The following HS3ST4 variants were observed in gnomAD, a reference collection of about 807,000 sequenced individuals.
HS3ST4 encodes heparan sulfate-glucosamine 3-sulfotransferase 4.
Under a neutral mutation model 29.2 loss-of-function variants are expected in HS3ST4, and 17 were observed. That is an observed-to-expected ratio of 0.58 (90% CI 0.40 to 0.87). The LOEUF (loss-of-function observed/expected upper bound fraction) is 0.87. HS3ST4 is among the 40% of genes least tolerant of loss of function. The pLI, the probability that HS3ST4 is intolerant of heterozygous loss-of-function variation, is 0.00. For synonymous variants in HS3ST4, 314 were observed against 285.7 expected (o/e 1.10, Z -1.00); for missense variants, 627 against 634.5 (o/e 0.99, Z 0.13).
chr16:25,816,127 A>G (rs1311716986), intron 1 of HS3ST4, among the ~76,000 whole-genome samples: 3 of 152,186 alleles, frequency 2.0e-5, no homozygotes, highest in Non-Finnish European at 4.4e-5. Flanking sequence ...CATGATTTAT[A>G]CCAAAATCCC....
chr16:25,985,173 T>C (rs1157440160), intron 1 of HS3ST4, among the ~76,000 whole-genome samples: 2 of 152,238 alleles, frequency 1.3e-5, no homozygotes, highest in African/African-American at 4.8e-5. Flanking sequence ...ATCTCTGGCT[T>C]ACCTTACAGG....
At chr16:25,973,119 G>A (rs1024294892) in intron 1 of HS3ST4, among the ~76,000 whole-genome samples, 1 of 152,210 alleles carries the variant, frequency 6.6e-6, no homozygotes, top group Admixed American at 6.5e-5. Context: ...CACAGAGTTG[G>A]AAATGATTGT....
intron 1 of HS3ST4, among the ~76,000 whole-genome samples, chr16:25,733,050 C>T (rs1966582115): frequency 6.6e-6 from 1 of 152,170 alleles, no homozygotes; most frequent in African/African-American, 2.4e-5. Flanking sequence ...CAAAGAAGAC[C>T]ATCTCTGAGG....
At chr16:25,700,777 AAG>A in intron 1 of HS3ST4, among the ~76,000 whole-genome samples, 1 of 152,208 alleles carries the variant, frequency 6.6e-6, no homozygotes, top group East Asian at 1.9e-4. Flanking sequence ...ATAATTCACT[AAG>A]GGAGCTTTTC....
At chr16:26,063,502 C>A (rs1173681686) in intron 1 of HS3ST4, among the ~76,000 whole-genome samples, 2 of 150,518 alleles carry the variant, frequency 1.3e-5, no homozygotes, top group African/African-American at 2.4e-5. Context: ...CATAGTGAGA[C>A]CTTGTCTCTA....
chr16:25,695,811 A>G (rs1435066445), intron 1 of HS3ST4, among the ~76,000 whole-genome samples: 2 of 152,168 alleles, frequency 1.3e-5, no homozygotes, highest in Non-Finnish European at 2.9e-5. Flanking sequence ...TAATTTTTCC[A>G]CTGTTTATTT....
intron 1 of HS3ST4, among the ~76,000 whole-genome samples, chr16:25,773,784 T>G (rs545746946): frequency 3.0e-4 from 46 of 152,214 alleles, no homozygotes; most frequent in Non-Finnish European, 6.2e-4. Context: ...TAATTTTTCA[T>G]TCTTCACCCC....
At chr16:26,123,345 A>G (rs1899301392) in intron 1 of HS3ST4, among the ~76,000 whole-genome samples, 1 of 152,188 alleles carries the variant, frequency 6.6e-6, no homozygotes, top group South Asian at 2.1e-4. Flanking sequence ...TTCCTTAGCC[A>G]CACACCTCTG....
At chr16:25,969,799 C>G in intron 1 of HS3ST4, among the ~76,000 whole-genome samples, 1 of 152,186 alleles carries the variant, frequency 6.6e-6, no homozygotes, top group South Asian at 2.1e-4. Flanking sequence ...TGAGTTTGTC[C>G]TCTTCTGATA....
At chr16:26,070,961 C>T (rs1191463573) in intron 1 of HS3ST4, among the ~76,000 whole-genome samples, 1 of 152,218 alleles carries the variant, frequency 6.6e-6, no homozygotes, top group Non-Finnish European at 1.5e-5. Context: ...TCTGGGGAGA[C>T]ATTCTTCATT....
intron 1 of HS3ST4, among the ~76,000 whole-genome samples, chr16:25,988,673 G>A (rs1377243679): frequency 6.6e-6 from 1 of 152,060 alleles, no homozygotes; most frequent in African/African-American, 2.4e-5. Flanking sequence ...AGAACACATG[G>A]ACATAGAGGG....
intron 1 of HS3ST4, among the ~76,000 whole-genome samples, chr16:26,014,529 G>T (rs1167373730): frequency 6.6e-6 from 1 of 152,004 alleles, no homozygotes; most frequent in Non-Finnish European, 1.5e-5. Context: ...GGTGTCTGTT[G>T]TTCCCTTCTT....
intron 1 of HS3ST4, among the ~76,000 whole-genome samples, chr16:25,740,682 G>A (rs1194177008): frequency 2.0e-5 from 3 of 152,158 alleles, no homozygotes; most frequent in Admixed American, 2.0e-4. Context: ...CTGTGCCTTT[G>A]TCTCACCAAT....
At position 25,832,991 on chromosome 16, in the gene HS3ST4, C is replaced by T. The variant is rs549440428; in HGVS notation, c.734+139840C>T. On this transcript the variant is annotated intron_variant, in intron 1 of 1. Coordinates refer to ENST00000331351, the MANE Select transcript of HS3ST4 (RefSeq NM_006040.3). ...TTCGCATCCTTTATACTGGGGCATA[C>T]GCCAGCTGGGCATCTGATTCACAGA... 3.9e-4 allele frequency among the ~76,000 whole-genome samples: 60 copies of T among 152,262 alleles called. No individual in the cohort carries two copies. In the South Asian group the frequency reaches 9.3e-3, roughly 24 times the overall value.
chr16:26,130,210 T>C (rs1899399566), intron 1 of HS3ST4, among the ~76,000 whole-genome samples: 1 of 152,214 alleles, frequency 6.6e-6, no homozygotes, highest in Non-Finnish European at 1.5e-5. Flanking sequence ...ATGTCACGGC[T>C]GCTCTGAGCG....
rs185657084 is a variant in HS3ST4, at chr16:25,778,598, T to C, written c.734+85447T>C. Among the ~76,000 whole-genome samples the C allele has an allele frequency of 8.7e-4, 132 of 152,284 alleles. 2 individuals are homozygous for C. The highest frequency in any genetic ancestry group is 3.4e-3 in the Middle Eastern group (1 of 294). ...AAGATGTGATTAACTTTGAAATCAG[T>C]AGATTTTGAATAGAGCAGCTGACCC... is the stretch of plus-strand genomic sequence containing the variant. On this transcript the variant is annotated intron_variant, in intron 1 of 1. Coordinates refer to ENST00000331351, the MANE Select transcript of HS3ST4 (RefSeq NM_006040.3).
chr16:25,858,914 C>T (rs778661333), intron 1 of HS3ST4, among the ~76,000 whole-genome samples: 7 of 151,858 alleles, frequency 4.6e-5, no homozygotes, highest in African/African-American at 1.5e-4. Flanking sequence ...TTCTTTAACT[C>T]GAGAATACAC....
intron 1 of HS3ST4, among the ~76,000 whole-genome samples, chr16:25,783,612 A>T (rs891030611): frequency 2.0e-5 from 3 of 152,190 alleles, no homozygotes; most frequent in African/African-American, 7.2e-5. Context: ...AGTATAATTA[A>T]GGTAGAATTT....
intron 1 of HS3ST4, among the ~76,000 whole-genome samples, chr16:26,122,619 G>A (rs1022090350): frequency 4.6e-5 from 7 of 152,176 alleles, no homozygotes; most frequent in Non-Finnish European, 8.8e-5. Context: ...AATTCACTAG[G>A]ATATATGCCA....
Sources: allele counts gnomAD v4.1 joint callset (sites outside exome capture counted in the v4.1 genomes callset), GRCh38; gene constraint gnomAD v4.1.1; transcripts MANE v1.5; gene names NCBI Gene and HGNC (gene_info 2026-07-23, HGNC 2026-07-21).